The following TMEM132D variants were observed in gnomAD, a reference collection of about 807,000 sequenced individuals.
The protein encoded by TMEM132D is mature OL transmembrane protein.
Under a neutral mutation model 62.3 loss-of-function variants are expected in TMEM132D, and 21 were observed. The ratio of observed to expected loss-of-function variants is 0.34; its 90% CI spans 0.24 to 0.49. The LOEUF is 0.49. Ranked by LOEUF, TMEM132D falls within the 20% of genes least tolerant of loss-of-function variation. The probability of loss-of-function intolerance (pLI) is 0.99; values close to 1 mark genes in which losing one functional copy is unlikely to be tolerated. For missense variants in TMEM132D, 1,346 were observed against 1,402.8 expected, an observed-to-expected ratio of 0.96 and a Z score of 0.65; for synonymous variants, 621 against 575.6, an observed-to-expected ratio of 1.08 and a Z score of -1.13.
At chr12:129,522,036 A>G (rs1875863607) in intron 3 of TMEM132D, among the ~76,000 whole-genome samples, 1 of 152,156 alleles carries the variant, frequency 6.6e-6, no homozygotes, top group Non-Finnish European at 1.5e-5. Context: ...TATGTAATTT[A>G]TAACGCAAGA....
chr12:129,484,113 G>A (rs1874510662), intron 3 of TMEM132D, among the ~76,000 whole-genome samples: 2 of 152,038 alleles, frequency 1.3e-5, no homozygotes, highest in South Asian at 2.1e-4. Flanking sequence ...GGGATTACAG[G>A]CGTGCACCAC....
At chr12:129,621,855 C>T (rs1016100786) in intron 2 of TMEM132D, among the ~76,000 whole-genome samples, 1 of 152,166 alleles carries the variant, frequency 6.6e-6, no homozygotes, top group Non-Finnish European at 1.5e-5. Context: ...AGCCCCAGTG[C>T]GGGTGAAACC....
intron 5 of TMEM132D, among the ~76,000 whole-genome samples, chr12:129,161,596 C>G (rs1371380899): frequency 6.6e-6 from 1 of 152,172 alleles, no homozygotes; most frequent in Non-Finnish European, 1.5e-5. Context: ...CCCATCTTCT[C>G]TATTACGGCT....
chr12:129,452,600 C>T (rs1306193075), intron 3 of TMEM132D, among the ~76,000 whole-genome samples: 1 of 152,042 alleles, frequency 6.6e-6, no homozygotes, highest in African/African-American at 2.4e-5. Flanking sequence ...ATGTAAACAT[C>T]CTGGGAATTC....
chr12:129,700,429 A>G lies in TMEM132D; in HGVS notation c.349T>C (p.Phe117Leu), dbSNP rs2137227242. The G allele has an allele frequency of 6.2e-7, 1 of 1,614,132 alleles. No individual in the cohort carries two copies. The highest frequency in any genetic ancestry group is 8.5e-7 in the Non-Finnish European group (1 of 1,180,030). ...AGAGAAAATTTGTTGGTGAATCCAA[A>G]TGGGTTGGAAGGTAGCATTAAATCC... ...PQDLMLPSNP[F>L]GFTNKFSLNW... The change falls in exon 2 of 9, where the codon TTT becomes CTT. Residue 117 changes from phenylalanine to leucine, a missense_variant. By Grantham distance (22) the Phe-to-Leu change is conservative. Transcript: ENST00000422113.
intron 3 of TMEM132D, among the ~76,000 whole-genome samples, chr12:129,400,949 T>C (rs1054468056): frequency 2.6e-5 from 4 of 152,174 alleles, no homozygotes; most frequent in African/African-American, 9.7e-5. Flanking sequence ...GAAAAAAGTT[T>C]AGCACACACG....
chr12:129,343,783 AC>A (rs1176603687), intron 3 of TMEM132D, among the ~76,000 whole-genome samples: 1 of 151,110 alleles, frequency 6.6e-6, no homozygotes, highest in Admixed American at 6.6e-5. Flanking sequence ...AAAAAAAAAA[AC>A]AAATGAGCCG....
intron 1 of TMEM132D, among the ~76,000 whole-genome samples, chr12:129,880,338 G>A (rs1020454595): frequency 2.6e-5 from 4 of 152,158 alleles, no homozygotes; most frequent in Admixed American, 2.6e-4. Context: ...ATAACCATCA[G>A]ACTTCTGATA....
At chr12:129,437,245 T>G (rs1872810735) in intron 3 of TMEM132D, among the ~76,000 whole-genome samples, 1 of 152,114 alleles carries the variant, frequency 6.6e-6, no homozygotes, top group Admixed American at 6.5e-5. Flanking sequence ...GCAACTATAA[T>G]GACTTTGAAG....
intron 2 of TMEM132D, among the ~76,000 whole-genome samples, chr12:129,623,204 C>T (rs954386004): frequency 6.6e-6 from 1 of 152,196 alleles, no homozygotes; most frequent in South Asian, 2.1e-4. Flanking sequence ...TAACAACAAC[C>T]AACTACCTTA....
rs952414535 is a variant in TMEM132D at position 129,342,961 on chromosome 12, C to G, written c.1116-5144G>C. Among the ~76,000 whole-genome samples, 69 of 152,302 alleles carry G rather than the reference C, an allele frequency of 4.5e-4. 1 individual carries two copies. The highest frequency in any genetic ancestry group is 1.4e-4 in the African/African-American group (6 of 41,576). ...GAGAGGATGTGGAGAAATAGGAACACTTTTACACTGTTGGTGGGACGGTAA... is the reference window on the plus strand; with the variant it reads ...GAGAGGATGTGGAGAAATAGGAACAGTTTTACACTGTTGGTGGGACGGTAA... On this transcript the variant is annotated intron_variant, in intron 3 of 8. Coordinates refer to ENST00000422113, the MANE Select transcript of TMEM132D (RefSeq NM_133448.3).
intron 4 of TMEM132D, among the ~76,000 whole-genome samples, chr12:129,237,668 T>A (rs1305848924): frequency 1.3e-5 from 2 of 152,160 alleles, no homozygotes; most frequent in African/African-American, 4.8e-5. Flanking sequence ...TTAACTGATG[T>A]TTTATGTGCA....
At chr12:129,663,857 A>G (rs774647530) in intron 2 of TMEM132D, among the ~76,000 whole-genome samples, 1 of 152,222 alleles carries the variant, frequency 6.6e-6, no homozygotes, top group Non-Finnish European at 1.5e-5. Context: ...AACCTTCTCC[A>G]TGTAATCATG....
intron 2 of TMEM132D, among the ~76,000 whole-genome samples, chr12:129,650,469 G>A (rs1352802095): frequency 6.6e-6 from 1 of 152,080 alleles, no homozygotes; most frequent in Non-Finnish European, 1.5e-5. Context: ...TAGAATAAAT[G>A]ACTAGAAGAA....
intron 3 of TMEM132D, among the ~76,000 whole-genome samples, chr12:129,513,845 T>TTTAC (rs1555262122): frequency 4.2e-4 from 57 of 137,084 alleles, no homozygotes; most frequent in African/African-American, 1.5e-3. Flanking sequence ...TATTTATTTA[T>TTTAC]TTATTTTTTT....
At chr12:129,660,680 G>A (rs937831140) in intron 2 of TMEM132D, among the ~76,000 whole-genome samples, 4 of 152,092 alleles carry the variant, frequency 2.6e-5, no homozygotes, top group African/African-American at 9.7e-5. Flanking sequence ...ACTCATGTGC[G>A]GGGGGTACAG....
chr12:129,088,988 G>A (rs1259151821), intron 5 of TMEM132D, among the ~76,000 whole-genome samples: 1 of 38,606 alleles, frequency 2.6e-5, no homozygotes, highest in Non-Finnish European at 4.2e-5. Context: ...CTCCATGACC[G>A]GGGTGTCCTC....
intron 3 of TMEM132D, among the ~76,000 whole-genome samples, chr12:129,382,070 G>T (rs11060297): frequency 1.3e-5 from 2 of 152,096 alleles, no homozygotes; most frequent in Non-Finnish European, 2.9e-5. Flanking sequence ...GGTGGTACAA[G>T]TCTGAAAATC....
chr12:129,411,264 C>T (rs570050406), intron 3 of TMEM132D, among the ~76,000 whole-genome samples: 3 of 152,278 alleles, frequency 2.0e-5, no homozygotes, highest in African/African-American at 2.4e-5. Flanking sequence ...ATCACCAACA[C>T]AGTGTTAAAT....
Sources: allele counts gnomAD v4.1 joint callset (sites outside exome capture counted in the v4.1 genomes callset), GRCh38; gene constraint gnomAD v4.1.1; transcripts MANE v1.5; gene names NCBI Gene and HGNC (gene_info 2026-07-23, HGNC 2026-07-21).